RBFOX1: variants seen among roughly 807,000 people sequenced by gnomAD.
RBFOX1 encodes RNA binding protein fox-1 homolog 1.
RBFOX1 carries 8 observed loss-of-function variants against 57.7 expected under a neutral mutation model. The observed-to-expected ratio is 0.14, with a 90% CI of 0.08 to 0.25. RBFOX1 has a LOEUF of 0.25. RBFOX1 is among the 10% of genes least tolerant of loss of function. The pLI is 1.00. For synonymous variants in RBFOX1, 326 were observed against 222.4 expected (o/e 1.47, Z -4.15); for missense variants, 611 against 548.5 (o/e 1.11, Z -1.14).
At chr16:6,231,737 C>A (rs181809517) in intron 1 of RBFOX1, among the ~76,000 whole-genome samples, 1 of 151,928 alleles carries the variant, frequency 6.6e-6, no homozygotes, top group East Asian at 1.9e-4. Context: ...GTTGTGTATG[C>A]TGTATATGTG....
At chr16:7,306,460 T>C (rs1284105295) in intron 4 of RBFOX1, among the ~76,000 whole-genome samples, 2 of 152,168 alleles carry the variant, frequency 1.3e-5, no homozygotes, top group Non-Finnish European at 2.9e-5. Flanking sequence ...TGAAGATAGA[T>C]GGAGGGTGGA....
At chr16:5,712,907 G>C (rs1421925920) in intron 3 of RBFOX1, among the ~76,000 whole-genome samples, 1 of 152,088 alleles carries the variant, frequency 6.6e-6, no homozygotes, top group African/African-American at 2.4e-5. Context: ...ATATTGACTA[G>C]TCATGTTTTT....
At chr16:6,779,479 G>A (rs13337752) in intron 3 of RBFOX1, among the ~76,000 whole-genome samples, 12,027 of 151,332 alleles carry the variant, frequency 0.079, 888 homozygotes, top group East Asian at 0.23. Flanking sequence ...AATAAACATG[G>A]CAGTGCACAT....
At chr16:5,846,956 G>C (rs1002072732) in intron 3 of RBFOX1, among the ~76,000 whole-genome samples, 3 of 152,180 alleles carry the variant, frequency 2.0e-5, no homozygotes, top group African/African-American at 7.2e-5. Flanking sequence ...AGGCTGCACA[G>C]TGCTGCTCTG....
chr16:5,681,402 T>A lies in RBFOX1; in HGVS notation c.318+82441T>A, dbSNP rs964092449. Among the ~76,000 whole-genome samples, 43 of 149,730 alleles carry A rather than the reference T, an allele frequency of 2.9e-4. 1 individual carries two copies. The highest frequency in any genetic ancestry group is 4.0e-4 in the Admixed American group (6 of 15,076). ...CCCAGCTTTTTTCTTTTTTTTTTTTTTTTGAGGTGGAGTTTCTCTCTTGTT... is the reference window on the plus strand; with the variant it reads ...CCCAGCTTTTTTCTTTTTTTTTTTTATTTGAGGTGGAGTTTCTCTCTTGTT... On this transcript the variant is annotated intron_variant, in intron 3 of 19. Transcript: ENST00000641259.
chr16:6,149,484 G>T (rs147328532), intron 1 of RBFOX1, among the ~76,000 whole-genome samples: 1 of 152,186 alleles, frequency 6.6e-6, no homozygotes, highest in Admixed American at 6.5e-5. Flanking sequence ...TAATTATTCC[G>T]TGATGGGACA....
chr16:6,840,814 G>T (rs1254084274), intron 3 of RBFOX1, among the ~76,000 whole-genome samples: 1 of 151,084 alleles, frequency 6.6e-6, no homozygotes, highest in South Asian at 2.1e-4. Context: ...TTGATCCTGG[G>T]AGGTGGAGGT....
chr16:7,204,938 T>C (rs1010389275), intron 4 of RBFOX1, among the ~76,000 whole-genome samples: 11 of 152,332 alleles, frequency 7.2e-5, no homozygotes, highest in Admixed American at 7.2e-4. Context: ...ACTATGCACT[T>C]CAACTTGAAA....
At chr16:6,343,792 A>G (rs1236178458) in intron 2 of RBFOX1, among the ~76,000 whole-genome samples, 2 of 152,144 alleles carry the variant, frequency 1.3e-5, no homozygotes, top group Non-Finnish European at 2.9e-5. Context: ...TTGGGGGATT[A>G]ATTCTGTGTT....
At chr16:7,608,388 C>T (rs138446966) in intron 10 of RBFOX1, among the ~76,000 whole-genome samples, 130 of 152,332 alleles carry the variant, frequency 8.5e-4, no homozygotes, top group Non-Finnish European at 1.2e-4. Flanking sequence ...AAAGGCTCAA[C>T]AGGATAACTG....
chr16:6,835,877 C>T (rs2093060238), intron 3 of RBFOX1, among the ~76,000 whole-genome samples: 1 of 151,892 alleles, frequency 6.6e-6, no homozygotes, highest in African/African-American at 2.4e-5. Flanking sequence ...CCCTAGGTGG[C>T]TCCACCTTTA....
chr16:6,353,774 C>T (rs17436259), intron 2 of RBFOX1, among the ~76,000 whole-genome samples: 20,460 of 152,102 alleles, frequency 0.13, 1,697 homozygotes, highest in South Asian at 0.25. Flanking sequence ...GTTTAATCCA[C>T]GTTGAGGAAG....
chr16:7,223,825 CAT>C (rs1491478923), intron 4 of RBFOX1, among the ~76,000 whole-genome samples: 5 of 61,768 alleles, frequency 8.1e-5, no homozygotes. Context: ...ACCAAAAGAG[CAT>C]TTTTTTTTTG....
chr16:6,220,254 CAG>C (rs973583606), intron 1 of RBFOX1, among the ~76,000 whole-genome samples: 2 of 151,964 alleles, frequency 1.3e-5, no homozygotes, highest in African/African-American at 4.8e-5. Flanking sequence ...TCCATACAAA[CAG>C]ACACACATAA....
intron 4 of RBFOX1, among the ~76,000 whole-genome samples, chr16:7,183,587 T>C (rs953804030): frequency 1.3e-5 from 2 of 152,244 alleles, no homozygotes; most frequent in African/African-American, 4.8e-5. Flanking sequence ...TGTGTGTATT[T>C]TTTTTCCAGG....
chr16:6,219,818 G>A (rs1362619863), intron 1 of RBFOX1, among the ~76,000 whole-genome samples: 1 of 152,172 alleles, frequency 6.6e-6, no homozygotes, highest in African/African-American at 2.4e-5. Context: ...GGAGGTTGCA[G>A]TGAGCCGAGA....
chr16:6,821,176 G>T (rs114959879), intron 3 of RBFOX1, among the ~76,000 whole-genome samples: 2 of 152,138 alleles, frequency 1.3e-5, no homozygotes, highest in African/African-American at 4.8e-5. Context: ...CTCTTTGCTG[G>T]AAGGCACTCC....
At position 6,397,694 on chromosome 16, in the gene RBFOX1, A is replaced by G. The variant is rs75476533; in HGVS notation, c.-64+80637A>G. On this transcript the variant is annotated intron_variant, in intron 2 of 15. Coordinates refer to ENST00000550418, the MANE Select transcript of RBFOX1 (RefSeq NM_018723.4). ...TAACTGTGTAAAGAAAGATGACATCACTGTTTTTTGGAGTTTGTAACATAT... is the reference window on the plus strand; with the variant it reads ...TAACTGTGTAAAGAAAGATGACATCGCTGTTTTTTGGAGTTTGTAACATAT... 7.7e-3 allele frequency among the ~76,000 whole-genome samples: 1,168 copies of G among 152,324 alleles called. 14 individuals are homozygous for G. Among genetic ancestry groups the G allele is most frequent in the African/African-American group, 0.027 (1,105 of 41,574 alleles).
intron 2 of RBFOX1, among the ~76,000 whole-genome samples, chr16:5,515,070 T>TCA (rs2043741223): frequency 1.3e-5 from 2 of 152,080 alleles, no homozygotes; most frequent in African/African-American, 4.8e-5. Context: ...CTCTAATGAA[T>TCA]TTACAGAACA....
Sources: allele counts gnomAD v4.1 joint callset (sites outside exome capture counted in the v4.1 genomes callset), GRCh38; gene constraint gnomAD v4.1.1; transcripts MANE v1.5; gene names NCBI Gene and HGNC (gene_info 2026-07-23, HGNC 2026-07-21).